The following RFX3 variants were observed in gnomAD, a reference collection of about 807,000 sequenced individuals.
The protein encoded by RFX3 is regulatory factor X3.
In RFX3, 14 loss-of-function variants were observed where a neutral mutation model predicts 98.6. The observed-to-expected ratio is 0.14, with a 90% CI of 0.09 to 0.22. The LOEUF is 0.22. RFX3 is among the 10% of genes least tolerant of loss of function. The probability of loss-of-function intolerance (pLI) is 1.00; values close to 1 mark genes in which losing one functional copy is unlikely to be tolerated. For missense variants in RFX3, 639 were observed against 926.9 expected (o/e 0.69, Z 4.03); for synonymous variants, 383 against 328.4 (o/e 1.17, Z -1.80).
chr9:3,474,261 G>T (rs981876532), intron 1 of RFX3, among the ~76,000 whole-genome samples: 1 of 152,144 alleles, frequency 6.6e-6, no homozygotes, highest in African/African-American at 2.4e-5. Context: ...CACAAAAACA[G>T]TCTATTTATA....
intron 1 of RFX3, among the ~76,000 whole-genome samples, chr9:3,488,370 C>T (rs1019465383): frequency 2.0e-5 from 3 of 152,078 alleles, no homozygotes; most frequent in Non-Finnish European, 4.4e-5. Flanking sequence ...TATGGAAACG[C>T]TTTTCTGCAA....
At chr9:3,309,365 C>CA in intron 4 of RFX3, among the ~76,000 whole-genome samples, 1 of 152,194 alleles carries the variant, frequency 6.6e-6, no homozygotes, top group East Asian at 1.9e-4. Flanking sequence ...TCCTGGGAGA[C>CA]AGAGACAGTG....
chr9:3,315,745 A>C (rs559180312), intron 4 of RFX3, among the ~76,000 whole-genome samples: 12 of 152,336 alleles, frequency 7.9e-5, no homozygotes, highest in Non-Finnish European at 1.6e-4. Flanking sequence ...TACTATAAAC[A>C]CCACTATGCA....
chr9:3,496,221 CTTGTTCTGT>C (rs1851098884), intron 1 of RFX3, among the ~76,000 whole-genome samples: 1 of 151,896 alleles, frequency 6.6e-6, no homozygotes, highest in African/African-American at 2.4e-5. Flanking sequence ...AATAACTAAA[CTTGTTCTGT>C]TAATGAAATT....
chr9:3,492,292 T>C (rs1850781161), intron 1 of RFX3, among the ~76,000 whole-genome samples: 1 of 152,190 alleles, frequency 6.6e-6, no homozygotes, highest in Non-Finnish European at 1.5e-5. Context: ...ACCCCATAAC[T>C]AAGAGTAAAT....
At chr9:3,320,559 A>G (rs1256654616) in intron 4 of RFX3, among the ~76,000 whole-genome samples, 2 of 151,012 alleles carry the variant, frequency 1.3e-5, no homozygotes, top group African/African-American at 4.9e-5. Context: ...CACCCCCTCC[A>G]TAAAAAAAAA....
rs527658994 is a variant in RFX3 at position 3,522,419 on chromosome 9, T to C, written c.-9+3328A>G. The stretch of plus-strand genomic sequence containing the variant: ...GGATTTTTAGCCAAAGGTTCAGCAT[T>C]AAAACAAAATAACCAGGAGCCTCTC... On this transcript the variant is annotated intron_variant, in intron 1 of 16. Coordinates refer to ENST00000617270, the MANE Select transcript of RFX3 (RefSeq NM_001282116.2). Among the ~76,000 whole-genome samples the C allele has an allele frequency of 2.0e-5, 3 of 152,302 alleles. No individual in the cohort carries two copies. The South Asian group carries it at 6.2e-4, about 32-fold the overall frequency.
At chr9:3,279,536 G>C (rs1362166809) in intron 7 of RFX3, among the ~76,000 whole-genome samples, 2 of 151,654 alleles carry the variant, frequency 1.3e-5, no homozygotes, top group Non-Finnish European at 3.0e-5. Context: ...ACATTTCTTT[G>C]TCCTACAAAG....
Position 3,292,061 on chromosome 9 carries a change from C to CAAAA in RFX3, c.731+1012_731+1015dup, listed in dbSNP as rs58788880. On this transcript the variant is annotated intron_variant, in intron 6 of 16. Transcript: ENST00000617270. ...ACAGAAACAGAGTGAGACTCCATCT[C>CAAAA]AAAAAAAAAAAAAAAAAAAAAAAAA... is the stretch of plus-strand genomic sequence containing the variant. Among the ~76,000 whole-genome samples, 60 of 23,944 alleles carry CAAAA rather than the reference C, an allele frequency of 2.5e-3. 14 individuals carry two copies. Among genetic ancestry groups the CAAAA allele is most frequent in the South Asian group, 6.5e-3 (2 of 308 alleles). 15.7% of individuals were successfully genotyped at this position (23,944 alleles called of 152,430 possible).
At chr9:3,329,625 TG>T (rs1192190591) in intron 4 of RFX3, among the ~76,000 whole-genome samples, 1 of 152,160 alleles carries the variant, frequency 6.6e-6, no homozygotes. Flanking sequence ...ATATGGCACA[TG>T]GGTAAACATT....
intron 4 of RFX3, among the ~76,000 whole-genome samples, chr9:3,317,441 T>C (rs1017573157): frequency 1.3e-5 from 2 of 152,172 alleles, no homozygotes; most frequent in African/African-American, 4.8e-5. Context: ...GGCAATACCA[T>C]TCAGGACATA....
chr9:3,523,953 T>C lies in RFX3; in HGVS notation c.-9+1794A>G, dbSNP rs116735273. On this transcript the variant is annotated intron_variant, in intron 1 of 16. Transcript: ENST00000617270. ...AGTTTTTTTAAAATCCCAACTCTTATTTTACAAAATATTAGCCTTAATAGC... is the reference window on the plus strand; with the variant it reads ...AGTTTTTTTAAAATCCCAACTCTTACTTTACAAAATATTAGCCTTAATAGC... 4.3e-3 allele frequency among the ~76,000 whole-genome samples: 652 copies of C among 152,320 alleles called. 5 individuals carry two copies. Among genetic ancestry groups the C allele is most frequent in the African/African-American group, 0.015 (632 of 41,570 alleles).
chr9:3,391,203 A>C (rs796938213), intron 2 of RFX3, among the ~76,000 whole-genome samples: 11 of 152,156 alleles, frequency 7.2e-5, no homozygotes, highest in Non-Finnish European at 1.3e-4. Context: ...CAATTCAAAC[A>C]TTATAGGCAT....
chr9:3,515,301 T>C (rs968429004), intron 1 of RFX3, among the ~76,000 whole-genome samples: 3 of 152,126 alleles, frequency 2.0e-5, no homozygotes, highest in Admixed American at 6.6e-5. Flanking sequence ...TACTAATGGA[T>C]AGATATATAC....
At chr9:3,520,384 G>C (rs1227810658) in intron 1 of RFX3, among the ~76,000 whole-genome samples, 1 of 152,094 alleles carries the variant, frequency 6.6e-6, no homozygotes, top group African/African-American at 2.4e-5. Context: ...TGCTGTAACT[G>C]TATCTTTCTA....
chr9:3,498,071 T>A (rs912433706), intron 1 of RFX3, among the ~76,000 whole-genome samples: 1 of 152,002 alleles, frequency 6.6e-6, no homozygotes, highest in Non-Finnish European at 1.5e-5. Context: ...TATATGAGGA[T>A]CTGATTCTTT....
chr9:3,384,079 A>C (rs924696698), intron 2 of RFX3, among the ~76,000 whole-genome samples: 4 of 152,174 alleles, frequency 2.6e-5, no homozygotes, highest in African/African-American at 9.6e-5. Context: ...GATGATTCTC[A>C]AACTGTGTTC....
intron 2 of RFX3, among the ~76,000 whole-genome samples, chr9:3,357,905 G>A (rs1426469266): frequency 2.0e-5 from 3 of 151,870 alleles, no homozygotes; most frequent in African/African-American, 7.3e-5. Context: ...TCTCTAAAAG[G>A]TCTTCTGTAA....
chr9:3,525,868 C>G lies in RFX3; in HGVS notation c.-130G>C. ...GTTGTTGTTGATGGGTAACAGTCGC[C>G]AGGACTACGGTGACTATGGCGCTTG... is the stretch of plus-strand genomic sequence containing the variant. On this transcript the variant is annotated 5_prime_UTR_variant, in exon 1 of 17. Transcript: ENST00000617270. 1.0e-6 allele frequency: 1 copy of G among 985,302 alleles called. No individual in the cohort carries two copies. The highest frequency in any genetic ancestry group is 1.2e-6 in the Non-Finnish European group (1 of 830,142). The allele number at this position is 985,302 out of a possible 1,614,324, so 61.0% of individuals were successfully genotyped here.
Sources: gnomAD v4.1 joint callset for allele counts (sites outside exome capture counted in the v4.1 genomes callset) on GRCh38, gnomAD v4.1.1 for gene constraint, MANE v1.5 for transcripts, NCBI Gene and HGNC (gene_info 2026-07-23, HGNC 2026-07-21) for gene names.